The following PTPRD variants were observed in gnomAD, a reference collection of about 807,000 sequenced individuals.
PTPRD encodes the protein protein tyrosine phosphatase receptor type D, also known as receptor-type tyrosine-protein phosphatase delta.
A neutral mutation model predicts 214.5 loss-of-function variants in PTPRD; 34 were observed. That is an observed-to-expected ratio of 0.16 (90% CI 0.12 to 0.21). The LOEUF (loss-of-function observed/expected upper bound fraction) is 0.21, where lower values mean the gene tolerates loss of function less well. Ranked by LOEUF, PTPRD falls within the 10% of genes least tolerant of loss-of-function variation. The pLI is 1.00. For missense variants in PTPRD, 2,545 were observed against 2,398.7 expected (o/e 1.06, Z -1.27); for synonymous variants, 1,128 against 845.7 (o/e 1.33, Z -5.79).
intron 34 of PTPRD, among the ~76,000 whole-genome samples, chr9:8,438,113 T>C (rs2095421916): frequency 6.6e-6 from 1 of 152,160 alleles, no homozygotes; most frequent in South Asian, 2.1e-4. Flanking sequence ...ACTGTGGCTC[T>C]TTGGAGGAAG....
intron 5 of PTPRD, among the ~76,000 whole-genome samples, chr9:9,888,627 T>C (rs1478419488): frequency 1.4e-4 from 21 of 152,126 alleles, no homozygotes; most frequent in Admixed American, 1.2e-3. Flanking sequence ...TGTCACAATG[T>C]GATGCCTGCT....
chr9:9,608,389 GTT>G (rs2094316171), intron 7 of PTPRD, among the ~76,000 whole-genome samples: 1 of 152,130 alleles, frequency 6.6e-6, no homozygotes, highest in South Asian at 2.1e-4. Flanking sequence ...TGTACTAAAA[GTT>G]TTTAAATCTA....
At chr9:9,787,122 G>A (rs1031188627) in intron 5 of PTPRD, among the ~76,000 whole-genome samples, 1 of 149,752 alleles carries the variant, frequency 6.7e-6, no homozygotes, top group African/African-American at 2.5e-5. Context: ...GGGCGACAGA[G>A]TGAAATTCCA....
intron 3 of PTPRD, among the ~76,000 whole-genome samples, chr9:10,176,511 G>T (rs2099249610): frequency 6.6e-6 from 1 of 151,868 alleles, no homozygotes. Flanking sequence ...AACCAAAAGA[G>T]GATCCATGCA....
At chr9:8,688,003 ATTCT>A (rs757463955) in intron 12 of PTPRD, among the ~76,000 whole-genome samples, 1 of 152,232 alleles carries the variant, frequency 6.6e-6, no homozygotes. Context: ...CTACAAAATT[ATTCT>A]TTATTACAAT....
chr9:9,040,515 G>A (rs1227913221), intron 10 of PTPRD, among the ~76,000 whole-genome samples: 5 of 152,064 alleles, frequency 3.3e-5, no homozygotes, highest in African/African-American at 7.2e-5. Context: ...ATATTCAACC[G>A]CACTCTTGCA....
intron 4 of PTPRD, among the ~76,000 whole-genome samples, chr9:9,946,149 C>A (rs2092520948): frequency 6.6e-6 from 1 of 151,946 alleles, no homozygotes; most frequent in African/African-American, 2.4e-5. Context: ...TACCTTGTAC[C>A]TTCTAAGATA....
At chr9:8,666,328 T>C (rs558680427) in intron 12 of PTPRD, among the ~76,000 whole-genome samples, 3 of 152,324 alleles carry the variant, frequency 2.0e-5, no homozygotes, top group East Asian at 1.9e-4. Context: ...TAAAATGAAA[T>C]GGTTTGTTCA....
intron 10 of PTPRD, among the ~76,000 whole-genome samples, chr9:9,134,395 C>A (rs903593146): frequency 6.6e-6 from 1 of 152,116 alleles, no homozygotes; most frequent in Non-Finnish European, 1.5e-5. Flanking sequence ...CTCTCTTTTC[C>A]TCTATTCCCA....
At chr9:10,265,178 A>G (rs1595702053) in intron 3 of PTPRD, among the ~76,000 whole-genome samples, 1 of 152,166 alleles carries the variant, frequency 6.6e-6, no homozygotes, top group Non-Finnish European at 1.5e-5. Flanking sequence ...AAAATAGCAA[A>G]TATGATACAA....
intron 2 of PTPRD, among the ~76,000 whole-genome samples, chr9:10,501,187 T>A (rs1488953897): frequency 3.3e-5 from 5 of 152,110 alleles, no homozygotes; most frequent in Admixed American, 3.3e-4. Flanking sequence ...TTTCTCTACA[T>A]CCTCATTGGC....
At chr9:9,174,610 T>C (rs561709149) in intron 10 of PTPRD, among the ~76,000 whole-genome samples, 28 of 152,168 alleles carry the variant, frequency 1.8e-4, no homozygotes, top group Non-Finnish European at 3.5e-4. Flanking sequence ...TATGTTCTCC[T>C]AAGTAAATTG....
rs180719737 is a variant in PTPRD, at chr9:10,056,014, G to C, written c.-544-22224C>G. On this transcript the variant is annotated intron_variant, in intron 3 of 45. Transcript: ENST00000381196. ...GCACTGTAGTCTATGATTTCTGAAA[G>C]TACTTCTTAAGAATATGTCATTAAA... is the stretch of plus-strand genomic sequence containing the variant. Among the ~76,000 whole-genome samples, 16 of 151,428 alleles carry C rather than the reference G, an allele frequency of 1.1e-4. No individual in the cohort carries two copies. In the East Asian group the frequency reaches 3.1e-3, roughly 29 times the overall value.
chr9:9,122,034 T>C (rs1004793583), intron 10 of PTPRD, among the ~76,000 whole-genome samples: 5 of 152,122 alleles, frequency 3.3e-5, no homozygotes, highest in Non-Finnish European at 7.4e-5. Context: ...GGAGACTCCC[T>C]CTCTACTCCA....
intron 8 of PTPRD, among the ~76,000 whole-genome samples, chr9:9,455,837 C>T (rs2092913255): frequency 6.6e-6 from 1 of 151,812 alleles, no homozygotes; most frequent in African/African-American, 2.4e-5. Context: ...AATAAGCAAA[C>T]ACAAATGGAT....
At chr9:9,683,479 G>A (rs895314535) in intron 7 of PTPRD, among the ~76,000 whole-genome samples, 1 of 151,590 alleles carries the variant, frequency 6.6e-6, no homozygotes, top group Non-Finnish European at 1.5e-5. Flanking sequence ...AAAATCAAAA[G>A]CAAAGCAATA....
At chr9:9,947,346 A>AATATATATTATATATATT (rs1216510491) in intron 4 of PTPRD, among the ~76,000 whole-genome samples, 3 of 43,652 alleles carry the variant, frequency 6.9e-5, no homozygotes, top group Admixed American at 5.1e-4. Context: ...TTATATATAT[A>AATATATATTATATATATT]ATATATATTA....
intron 6 of PTPRD, among the ~76,000 whole-genome samples, chr9:9,744,023 A>G (rs2821467): frequency 0.5 from 75,462 of 151,920 alleles, 22,394 homozygotes; most frequent in African/African-American, 0.82. Context: ...TGATGACGTC[A>G]TTCTATTTGT....
intron 3 of PTPRD, among the ~76,000 whole-genome samples, chr9:10,224,546 G>A (rs2099582430): frequency 6.6e-6 from 1 of 151,984 alleles, no homozygotes; most frequent in South Asian, 2.1e-4. Flanking sequence ...TTAAGGTATT[G>A]TTGAAATTCT....
Sources: allele counts gnomAD v4.1 joint callset (sites outside exome capture counted in the v4.1 genomes callset), GRCh38; gene constraint gnomAD v4.1.1; transcripts MANE v1.5; gene names NCBI Gene and HGNC (gene_info 2026-07-23, HGNC 2026-07-21).